The following PCNX1 variants were observed in gnomAD, a reference collection of about 807,000 sequenced individuals.
PCNX1 encodes the protein pecanex 1.
In PCNX1, 78 loss-of-function variants were observed where a neutral mutation model predicts 242.2. The observed-to-expected ratio is 0.32, with a 90% confidence interval of 0.27 to 0.39. PCNX1 has a LOEUF of 0.39. Ranked by LOEUF, PCNX1 falls within the 10% of genes least tolerant of loss-of-function variation. PCNX1 has a pLI of 1.00. For synonymous variants in PCNX1, 1,024 were observed against 1,032.9 expected (o/e 0.99, Z 0.17); for missense variants, 2,581 against 2,856.5 (o/e 0.90, Z 2.20).
chr14:71,090,600 G>C (rs754557556), intron 30 of PCNX1, among the ~76,000 whole-genome samples: 12 of 152,160 alleles, frequency 7.9e-5, no homozygotes, highest in Non-Finnish European at 1.5e-4. Flanking sequence ...TCCATCTTCA[G>C]ACTAGTTTTA....
intron 26 of PCNX1, among the ~76,000 whole-genome samples, chr14:71,069,153 T>G (rs924131533): frequency 5.3e-5 from 8 of 152,116 alleles, no homozygotes; most frequent in South Asian, 2.1e-4. Flanking sequence ...TCTTGAGACT[T>G]ACTTACTACC....
intron 19 of PCNX1, among the ~76,000 whole-genome samples, chr14:71,037,453 A>G (rs1214461389): frequency 4.0e-5 from 6 of 149,426 alleles, no homozygotes; most frequent in African/African-American, 9.9e-5. Context: ...ATTATTTTGA[A>G]ATATGTCCCA....
At chr14:71,105,484 CAT>C (rs2062588039) in intron 33 of PCNX1, 44 bp downstream of exon 33, 1 of 1,448,046 alleles carries the variant, frequency 6.9e-7, no homozygotes, top group Non-Finnish European at 9.7e-7. Context: ...GCTTCTTAGC[CAT>C]AGAGGCTGGT....
At chr14:70,912,209 T>G (rs370219431) in intron 1 of PCNX1, among the ~76,000 whole-genome samples, 37 of 149,606 alleles carry the variant, frequency 2.5e-4, no homozygotes, top group African/African-American at 9.2e-4. Context: ...CACTCCAGCC[T>G]GGGCGACAGA....
chr14:70,974,245 T>G (rs2058626939), intron 5 of PCNX1, among the ~76,000 whole-genome samples: 2 of 127,122 alleles, frequency 1.6e-5, no homozygotes, highest in African/African-American at 3.1e-5. Context: ...TTTTTTGTTG[T>G]TTTTTTTTTT....
chr14:71,002,768 G>C (rs35561518), intron 8 of PCNX1, among the ~76,000 whole-genome samples: 10,533 of 152,232 alleles, frequency 0.069, 481 homozygotes, highest in East Asian at 0.27. Context: ...CCTGGCGATG[G>C]TTGTGTTGTT....
chr14:71,015,430 CAAAT>C (rs2059936387), intron 11 of PCNX1, among the ~76,000 whole-genome samples: 1 of 152,060 alleles, frequency 6.6e-6, no homozygotes, highest in Non-Finnish European at 1.5e-5. Context: ...GCAGAGGGGA[CAAAT>C]AAAAGCATAC....
In PCNX1 at chr14:70,996,016, A is replaced by G. The variant is rs997333760; in HGVS notation, c.2629+91A>G. On this transcript the variant is annotated intron_variant, in intron 8 of 35. Transcript: ENST00000304743. ...TGCAGTTCTTTTTTGAGATAGTTTCATTTTGGAACTATGCATAGGAGCACT... is the reference window on the plus strand; with the variant it reads ...TGCAGTTCTTTTTTGAGATAGTTTCGTTTTGGAACTATGCATAGGAGCACT... 3.4e-5 allele frequency: 33 copies of G among 975,484 alleles called. No homozygotes were observed. The African/African-American group carries it at 4.0e-4, about 12-fold the overall frequency. The allele number at this position is 975,484 out of a possible 1,614,324, so 60.4% of individuals were successfully genotyped here.
chr14:71,061,210 AG>A (rs1302480622), intron 26 of PCNX1, among the ~76,000 whole-genome samples: 1 of 152,180 alleles, frequency 6.6e-6, no homozygotes, highest in Non-Finnish European at 1.5e-5. Flanking sequence ...TACAAATGGA[AG>A]CCCTTTGTGA....
intron 6 of PCNX1, among the ~76,000 whole-genome samples, chr14:70,979,188 G>A (rs1007505939): frequency 3.3e-5 from 5 of 151,788 alleles, no homozygotes; most frequent in Non-Finnish European, 7.4e-5. Flanking sequence ...CAAGTTTTAG[G>A]CGTTACGAAA....
At chr14:70,948,728 CAT>C (rs370893302) in intron 2 of PCNX1, among the ~76,000 whole-genome samples, 103 of 146,998 alleles carry the variant, frequency 7.0e-4, no homozygotes, top group African/African-American at 2.3e-3. Flanking sequence ...AGTGTATATA[CAT>C]ATATATGTGT....
chr14:71,090,437 A>G (rs756189162), intron 30 of PCNX1, among the ~76,000 whole-genome samples: 2 of 152,196 alleles, frequency 1.3e-5, no homozygotes, highest in Non-Finnish European at 2.9e-5. Flanking sequence ...TCATTATAGT[A>G]TAATCTAAAG....
chr14:70,949,231 A>G (rs1252316364), intron 2 of PCNX1, among the ~76,000 whole-genome samples: 1 of 144,236 alleles, frequency 6.9e-6, no homozygotes, highest in East Asian at 2.0e-4. Flanking sequence ...AGATATATGT[A>G]TGTGTATATA....
chr14:70,976,851 T>C, intron 5 of PCNX1, 91 bp from the exon 6 acceptor site: 1 of 1,060,320 alleles, frequency 9.4e-7, no homozygotes, highest in Non-Finnish European at 1.4e-6. Context: ...ATACTTGATT[T>C]ACTGTATGCA....
rs77027061 is a variant in PCNX1 at position 70,955,872 on chromosome 14, A to T, written c.363-6354A>T. ...ATTTTACTAGAGGGTTTTTTTTTTTAAATGAAAACCCCTGTTCATTTTTTC... is the reference window on the plus strand; with the variant it reads ...ATTTTACTAGAGGGTTTTTTTTTTTTAATGAAAACCCCTGTTCATTTTTTC... On this transcript the variant is annotated intron_variant, in intron 2 of 35. Transcript: ENST00000304743. Among the ~76,000 whole-genome samples, 100 of 151,196 alleles carry T rather than the reference A, an allele frequency of 6.6e-4. 3 individuals are homozygous for T. In the East Asian group the frequency reaches 0.018, roughly 28 times the overall value.
chr14:71,002,887 T>C lies in PCNX1; in HGVS notation c.2630-6747T>C, dbSNP rs2059545149. On this transcript the variant is annotated intron_variant, in intron 8 of 35. Transcript: ENST00000304743. ...TTCCCTTTCTTGCCAACATTTGCTT[T>C]TGTTGGCCTTTAGAATTGTAGACAT... 1.3e-5 allele frequency among the ~76,000 whole-genome samples: 2 copies of C among 152,154 alleles called. 1 individual carries two copies. The highest frequency in any genetic ancestry group is 4.1e-4 in the South Asian group (2 of 4,834).
chr14:71,045,164 T>C lies in PCNX1; in HGVS notation c.3899T>C (p.Val1300Ala), dbSNP rs1336877502. ...CTCAAGTATGTGTTGTATACATTGG[T>C]TGGCTTTGTGGGTTTTGTAACCCAT... is the stretch of plus-strand genomic sequence containing the variant. ...PALKYVLYTL[V>A]GFVGFVTHYV... Residue 1300 changes from valine to alanine, a missense_variant, in exon 20 of 36, where the codon GTT becomes GCT. Physicochemically the swap from Val to Ala is moderately conservative, Grantham distance 64. Coordinates refer to ENST00000304743, the MANE Select transcript of PCNX1 (RefSeq NM_014982.3). The C allele has an allele frequency of 1.9e-6, 3 of 1,612,586 alleles. No homozygotes were observed. Among genetic ancestry groups the C allele is most frequent in the Admixed American group, 1.7e-5 (1 of 59,696 alleles).
chr14:71,048,867 T>C (rs1489568596), intron 22 of PCNX1: 1 of 177,390 alleles, frequency 5.6e-6, no homozygotes, highest in East Asian at 1.9e-4. Context: ...GGAAAGCCGT[T>C]AATTTGAGCA....
chr14:71,080,057 A>G (rs796094224), intron 28 of PCNX1, among the ~76,000 whole-genome samples: 45 of 152,304 alleles, frequency 3.0e-4, no homozygotes, highest in African/African-American at 9.9e-4. Flanking sequence ...TATAAGGTGT[A>G]AGGAAGGGGT....
Sources: gnomAD v4.1 joint callset for allele counts (sites outside exome capture counted in the v4.1 genomes callset) on GRCh38, gnomAD v4.1.1 for gene constraint, MANE v1.5 for transcripts, NCBI Gene and HGNC (gene_info 2026-07-23, HGNC 2026-07-21) for gene names.